Variants in PPP1R12B observed in about 807,000 individuals in gnomAD.
PPP1R12B encodes the protein myosin phosphatase target subunit 2.
Under a neutral mutation model 126.1 loss-of-function variants are expected in PPP1R12B, and 76 were observed. The ratio of observed to expected loss-of-function variants is 0.60; its 90% CI spans 0.50 to 0.73. The LOEUF is 0.73. PPP1R12B is among the 30% of genes least tolerant of loss of function. The pLI is 0.00. For synonymous variants in PPP1R12B, 356 were observed against 434.7 expected, an observed-to-expected ratio of 0.82 and a Z score of 2.25; for missense variants, 1,052 against 1,205.1, an observed-to-expected ratio of 0.87 and a Z score of 1.88.
intron 12 of PPP1R12B, among the ~76,000 whole-genome samples, chr1:202,445,569 C>G (rs914888974): frequency 1.3e-5 from 2 of 152,166 alleles, no homozygotes; most frequent in Non-Finnish European, 2.9e-5. Flanking sequence ...TATTTTACTT[C>G]TATTAATTTT....
At chr1:202,379,466 C>G (rs1465933201) in intron 1 of PPP1R12B, among the ~76,000 whole-genome samples, 1 of 152,200 alleles carries the variant, frequency 6.6e-6, no homozygotes, top group Admixed American at 6.5e-5. Context: ...GTCCCCATCT[C>G]CACCGTCTAC....
chr1:202,503,889 G>A (rs779058400), intron 18 of PPP1R12B, among the ~76,000 whole-genome samples: 6 of 151,574 alleles, frequency 4.0e-5, no homozygotes, highest in Non-Finnish European at 7.4e-5. Context: ...ATCTTCTGGT[G>A]TCTTTTGAGC....
intron 13 of PPP1R12B, among the ~76,000 whole-genome samples, chr1:202,469,023 A>T (rs962840881): frequency 1.3e-5 from 2 of 152,348 alleles, no homozygotes. Context: ...ACCAAACTTT[A>T]AAAATGGTAA....
intron 1 of PPP1R12B, among the ~76,000 whole-genome samples, chr1:202,356,192 A>AAG (rs1207832962): frequency 2.6e-5 from 4 of 151,860 alleles, no homozygotes; most frequent in Admixed American, 6.6e-5. Context: ...TCTCAAATAA[A>AAG]TAAGTAAGTA....
chr1:202,517,387 C>T (rs1445110574), intron 18 of PPP1R12B, among the ~76,000 whole-genome samples: 3 of 152,200 alleles, frequency 2.0e-5, no homozygotes, highest in Admixed American at 2.0e-4. Flanking sequence ...CAGACTTGCT[C>T]TGTGAATAAG....
chr1:202,560,333 G>C (rs2149006680), intron 19 of PPP1R12B, among the ~76,000 whole-genome samples: 1 of 152,324 alleles, frequency 6.6e-6, no homozygotes, highest in East Asian at 1.9e-4. Flanking sequence ...AGTCCATTAA[G>C]TGAAAGCAAG....
At chr1:202,501,450 C>T (rs1248569175) in intron 18 of PPP1R12B, among the ~76,000 whole-genome samples, 5 of 152,166 alleles carry the variant, frequency 3.3e-5, no homozygotes, top group African/African-American at 9.7e-5. Flanking sequence ...CCAAGCCAAT[C>T]CTGTTGTATA....
At chr1:202,375,770 G>T (rs1661082435) in intron 1 of PPP1R12B, among the ~76,000 whole-genome samples, 1 of 152,184 alleles carries the variant, frequency 6.6e-6, no homozygotes, top group South Asian at 2.1e-4. Flanking sequence ...GCCCAGGCTG[G>T]TCTCAAATGC....
At position 202,503,241 on chromosome 1, in the gene PPP1R12B, G is replaced by A. The variant is rs561004172; in HGVS notation, c.2490+6419G>A. Among the ~76,000 whole-genome samples the A allele has an allele frequency of 2.0e-5, 3 of 152,220 alleles. No individual in the cohort carries two copies. In the East Asian group the frequency reaches 5.8e-4, roughly 29 times the overall value. On this transcript the variant is annotated intron_variant, in intron 18 of 23. Coordinates refer to ENST00000608999, the MANE Select transcript of PPP1R12B (RefSeq NM_002481.4). ...AACCAATGAGATTTGCTGTTTTCTT[G>A]GATATCAGGTGAGAAAACAGAAGGT...
chr1:202,500,218 G>GCTCTCTCTCT (rs151303629), intron 18 of PPP1R12B, among the ~76,000 whole-genome samples: 13 of 146,250 alleles, frequency 8.9e-5, no homozygotes, highest in East Asian at 4.0e-4. Flanking sequence ...TCTCTCTCTT[G>GCTCTCTCTCT]CTCTCTCTCT....
intron 1 of PPP1R12B, among the ~76,000 whole-genome samples, chr1:202,393,297 C>T (rs979245125): frequency 5.9e-5 from 9 of 151,920 alleles, no homozygotes; most frequent in Non-Finnish European, 1.2e-4. Flanking sequence ...TGAATTATAT[C>T]TCAGTATAGC....
rs565012726 is a variant in PPP1R12B at position 202,375,846 on chromosome 1, C to G, written c.291+26704C>G. On this transcript the variant is annotated intron_variant, in intron 1 of 23. Transcript: ENST00000608999. Reference sequence around the variant, plus strand: ...TGGCATGAGCCATGGCATCCCGCCCCCACTTTGTTTCTTATAGCTTACCTG... The same window carrying G: ...TGGCATGAGCCATGGCATCCCGCCCGCACTTTGTTTCTTATAGCTTACCTG... 2.0e-5 allele frequency among the ~76,000 whole-genome samples: 3 copies of G among 152,330 alleles called. No individual in the cohort carries two copies. The South Asian group carries it at 6.2e-4, about 32-fold the overall frequency.
chr1:202,493,341 T>A (rs1392707819), intron 15 of PPP1R12B, 24 bp downstream of exon 15: 1 of 1,603,922 alleles, frequency 6.2e-7, no homozygotes, highest in Non-Finnish European at 8.5e-7. Context: ...TGCTGGCATG[T>A]ACTGTGCTAA....
At chr1:202,397,892 A>G (rs550605141) in intron 1 of PPP1R12B, among the ~76,000 whole-genome samples, 1 of 152,186 alleles carries the variant, frequency 6.6e-6, no homozygotes. Flanking sequence ...GCAAGAATAC[A>G]GCATAGTCCT....
rs753735891 is a variant in PPP1R12B at position 202,442,579 on chromosome 1, G to T, written c.1667+7G>T. On this transcript the variant is annotated splice_region_variant and intron_variant, in intron 12 of 23. Transcript: ENST00000608999. ...TATCAACTTACTTGAAAAGGTACCA[G>T]GCTCAAAGGGGGTGGGAGATGTTTC... The T allele has an allele frequency of 6.2e-7, 1 of 1,607,622 alleles. No homozygotes were observed. The highest frequency in any genetic ancestry group is 1.7e-5 in the Admixed American group (1 of 58,936).
chr1:202,405,948 G>A (rs529235679), intron 1 of PPP1R12B, among the ~76,000 whole-genome samples: 4 of 152,156 alleles, frequency 2.6e-5, no homozygotes, highest in South Asian at 2.1e-4. Flanking sequence ...CTCCTTTTAC[G>A]GATAATATTT....
intron 1 of PPP1R12B, among the ~76,000 whole-genome samples, chr1:202,352,387 A>G (rs1367227718): frequency 1.3e-5 from 2 of 152,200 alleles, no homozygotes; most frequent in Admixed American, 1.3e-4. Flanking sequence ...GCAAGTGCCT[A>G]CTTTCAGAAA....
At chr1:202,567,486 GGAGAGA>G (rs149322103) in intron 21 of PPP1R12B, 16 of 352,918 alleles carry the variant, frequency 4.5e-5, no homozygotes, top group Non-Finnish European at 5.2e-5. Flanking sequence ...GAAGACCTGT[GGAGAGA>G]GAGAGAGAGA....
intron 10 of PPP1R12B, chr1:202,439,351 C>T (rs1355027137): frequency 1.5e-5 from 20 of 1,343,700 alleles, no homozygotes; most frequent in East Asian, 4.6e-5. Context: ...TCCAACAAGA[C>T]GATCCACGCA....
Sources: gnomAD v4.1 joint callset for allele counts (sites outside exome capture counted in the v4.1 genomes callset) on GRCh38, gnomAD v4.1.1 for gene constraint, MANE v1.5 for transcripts, NCBI Gene and HGNC (gene_info 2026-07-23, HGNC 2026-07-21) for gene names.